The following TLL2 variants were observed in gnomAD, a reference collection of about 807,000 sequenced individuals.
TLL2 encodes the protein tolloid like 2.
In TLL2, 106 loss-of-function variants were observed where a neutral mutation model predicts 123.0. That is an observed-to-expected ratio of 0.86 (90% CI 0.74 to 1.01). The LOEUF (loss-of-function observed/expected upper bound fraction) is 1.01, where lower values mean the gene tolerates loss of function less well. TLL2 is among the 50% of genes least tolerant of loss of function. The pLI, the probability that TLL2 is intolerant of heterozygous loss-of-function variation, is 0.00. For missense variants in TLL2, 1,332 were observed against 1,336.7 expected, an observed-to-expected ratio of 1.00 and a Z score of 0.06; for synonymous variants, 494 against 516.8, an observed-to-expected ratio of 0.96 and a Z score of 0.60.
chr10:96,372,495 G>A (rs1846093115), intron 19 of TLL2, among the ~76,000 whole-genome samples: 1 of 152,198 alleles, frequency 6.6e-6, no homozygotes, highest in South Asian at 2.1e-4. Flanking sequence ...AATGGCTAAA[G>A]AGCAGAGCCA....
chr10:96,503,212 A>G (rs1250372010), intron 1 of TLL2, among the ~76,000 whole-genome samples: 1 of 152,080 alleles, frequency 6.6e-6, no homozygotes, highest in African/African-American at 2.4e-5. Context: ...TGAGAGGGAG[A>G]GATTAGCATT....
At chr10:96,446,027 C>T (rs1564908892) in intron 3 of TLL2, 64 bp downstream of exon 3, 5 of 1,496,186 alleles carry the variant, frequency 3.3e-6, no homozygotes, top group East Asian at 4.5e-5. Flanking sequence ...TCTTATGTCA[C>T]GTGTATTTTT....
At chr10:96,369,978 G>A (rs973461040) in intron 20 of TLL2, 87 bp downstream of exon 20, 3 of 1,470,692 alleles carry the variant, frequency 2.0e-6, no homozygotes, top group East Asian at 2.4e-5. Flanking sequence ...GTAGGTGGCC[G>A]GGACTGAAAG....
intron 13 of TLL2, among the ~76,000 whole-genome samples, chr10:96,393,663 T>C (rs1361186838): frequency 2.6e-5 from 4 of 152,136 alleles, no homozygotes; most frequent in Admixed American, 2.0e-4. Flanking sequence ...GGCTGTCATA[T>C]CTTCCCTGTG....
At chr10:96,388,890 T>C (rs1308349906) in intron 13 of TLL2, among the ~76,000 whole-genome samples, 2 of 152,216 alleles carry the variant, frequency 1.3e-5, no homozygotes, top group Non-Finnish European at 2.9e-5. Context: ...TTGGGCTCAA[T>C]AAAAACTTAT....
intron 2 of TLL2, among the ~76,000 whole-genome samples, chr10:96,477,433 C>T (rs954953620): frequency 3.3e-5 from 5 of 151,534 alleles, no homozygotes; most frequent in African/African-American, 7.3e-5. Flanking sequence ...ACTGCAGCCT[C>T]GATCTCCCAG....
intron 2 of TLL2, among the ~76,000 whole-genome samples, chr10:96,459,211 C>T (rs1407155269): frequency 1.3e-5 from 2 of 152,058 alleles, no homozygotes; most frequent in African/African-American, 2.4e-5. Context: ...TTGCTGGAAT[C>T]CTCTCATGTT....
chr10:96,378,004 G>A (rs547122748), intron 17 of TLL2, among the ~76,000 whole-genome samples: 1 of 152,338 alleles, frequency 6.6e-6, no homozygotes, highest in African/African-American at 2.4e-5. Flanking sequence ...CATCTCACAG[G>A]GGCTTGACTG....
intron 1 of TLL2, among the ~76,000 whole-genome samples, chr10:96,499,428 G>A (rs2134113457): frequency 6.6e-6 from 1 of 152,120 alleles, no homozygotes; most frequent in East Asian, 1.9e-4. Context: ...ACCTCTTTTG[G>A]TAGTCAACCC....
intron 17 of TLL2, among the ~76,000 whole-genome samples, chr10:96,378,366 AG>A (rs1482108951): frequency 6.6e-6 from 1 of 152,250 alleles, no homozygotes; most frequent in East Asian, 1.9e-4. Context: ...GGCTTTTTCC[AG>A]GATGACTGGA....
intron 3 of TLL2, among the ~76,000 whole-genome samples, chr10:96,444,927 C>A (rs1263051946): frequency 6.6e-6 from 1 of 152,208 alleles, no homozygotes; most frequent in Non-Finnish European, 1.5e-5. Flanking sequence ...CGGTGGCTCA[C>A]GCCTGTAATC....
intron 2 of TLL2, among the ~76,000 whole-genome samples, chr10:96,459,008 A>T (rs1295710324): frequency 6.6e-6 from 1 of 152,244 alleles, no homozygotes; most frequent in Non-Finnish European, 1.5e-5. Context: ...GACTTGGAAT[A>T]ACTTTAATAG....
At chr10:96,512,974 G>A (rs978649185) in intron 1 of TLL2, among the ~76,000 whole-genome samples, 1 of 152,248 alleles carries the variant, frequency 6.6e-6, no homozygotes, top group South Asian at 2.1e-4. Flanking sequence ...CCGGCTATTC[G>A]AGTCTTGCTC....
Position 96,368,138 on chromosome 10 carries a change from C to T in TLL2, c.2998G>A (p.Ala1000Thr), listed in dbSNP as rs144448129. 6.2e-7 allele frequency: 1 copy of T among 1,614,066 alleles called. No homozygotes were observed. Among genetic ancestry groups the T allele is most frequent in the Non-Finnish European group, 8.5e-7 (1 of 1,180,046 alleles). ...DDTINKKGFH[A>T]RYTSTKFQDA... Reference sequence around the variant, plus strand: ...TGGAACTTGGTGCTGGTGTATCGGGCATGAAAGCCTTTCTTGTTGATGGTG... The same window carrying T: ...TGGAACTTGGTGCTGGTGTATCGGGTATGAAAGCCTTTCTTGTTGATGGTG... The change falls in exon 21 of 21, where the codon GCC (alanine) becomes ACC (threonine). Residue 1000 changes from alanine (A) to threonine (T), a missense_variant. Coordinates refer to ENST00000357947, the MANE Select transcript of TLL2 (RefSeq NM_012465.4).
chr10:96,368,313 C>T lies in TLL2; in HGVS notation c.2914-91G>A, dbSNP rs1241868720. On this transcript the variant is annotated intron_variant, in intron 20 of 20. Coordinates refer to ENST00000357947, the MANE Select transcript of TLL2 (RefSeq NM_012465.4). ...TGGGACAGGATCTTATGCAAGGACA[C>T]AGGATGTGTCTCTGGTACCAGAGAC... 4 of 1,462,196 alleles carry T rather than the reference C, an allele frequency of 2.7e-6. No individual in the cohort carries two copies. In the East Asian group the frequency reaches 9.1e-5, roughly 33 times the overall value. 90.6% of individuals were successfully genotyped at this position (1,462,196 alleles called of 1,614,324 possible). A position where few individuals can be genotyped will look rare whatever the true frequency, so the allele number is the denominator to read the frequency against.
At chr10:96,476,875 C>CACAG (rs1554939728) in intron 2 of TLL2, among the ~76,000 whole-genome samples, 19 of 144,538 alleles carry the variant, frequency 1.3e-4, no homozygotes, top group South Asian at 2.3e-4. Flanking sequence ...CACACACACA[C>CACAG]ACACACACAC....
At chr10:96,457,996 G>C (rs764375706) in intron 2 of TLL2, among the ~76,000 whole-genome samples, 5 of 152,108 alleles carry the variant, frequency 3.3e-5, no homozygotes, top group Non-Finnish European at 7.3e-5. Flanking sequence ...CTTTGCTGAT[G>C]TCTCCCCAGC....
At chr10:96,460,612 TCCC>T (rs952698450) in intron 2 of TLL2, among the ~76,000 whole-genome samples, 1 of 152,122 alleles carries the variant, frequency 6.6e-6, no homozygotes, top group African/African-American at 2.4e-5. Context: ...GTGTAGCATT[TCCC>T]CCTTCTTTCG....
chr10:96,413,073 C>G, intron 8 of TLL2, 119 bp downstream of exon 8: 2 of 1,429,014 alleles, frequency 1.4e-6, no homozygotes, highest in Non-Finnish European at 1.9e-6. Context: ...AGAAGGACAC[C>G]AGAAATTAAA....
Sources: gnomAD v4.1 joint callset for allele counts (sites outside exome capture counted in the v4.1 genomes callset) on GRCh38, gnomAD v4.1.1 for gene constraint, MANE v1.5 for transcripts, NCBI Gene and HGNC (gene_info 2026-07-23, HGNC 2026-07-21) for gene names.